The following MACROD2 variants were observed in gnomAD, a reference collection of about 807,000 sequenced individuals.
The protein encoded by MACROD2 is mono-ADP ribosylhydrolase 2.
A neutral mutation model predicts 70.4 loss-of-function variants in MACROD2; 36 were observed. That is an observed-to-expected ratio of 0.51 (90% CI 0.39 to 0.68). MACROD2 has a LOEUF of 0.68. Among genes scored for constraint, MACROD2 ranks in the 30% least tolerant of loss-of-function variants. MACROD2 has a pLI of 0.00. For missense variants in MACROD2, 496 were observed against 538.4 expected, an observed-to-expected ratio of 0.92 and a Z score of 0.78; for synonymous variants, 172 against 178.8, an observed-to-expected ratio of 0.96 and a Z score of 0.30.
At chr20:15,207,142 C>T (rs1362942181) in intron 5 of MACROD2, among the ~76,000 whole-genome samples, 1 of 152,070 alleles carries the variant, frequency 6.6e-6, no homozygotes, top group Non-Finnish European at 1.5e-5. Flanking sequence ...CATATTTTTG[C>T]TTTTTCTGCT....
At position 15,471,885 on chromosome 20, in the gene MACROD2, CTAAA is replaced by C. The variant is rs200635878; in HGVS notation, c.572-27886_572-27883del. 3.3e-5 allele frequency among the ~76,000 whole-genome samples: 5 copies of C among 152,238 alleles called. No individual in the cohort carries two copies. The East Asian group carries it at 9.7e-4, about 29-fold the overall frequency. ...ATCACTTTTCATTCCCCCTTCCAAA[CTAAA>C]TATTTTTCTTTCACAGCAAACAAAT... On this transcript the variant is annotated intron_variant, in intron 7 of 17. Coordinates refer to ENST00000684519, the MANE Select transcript of MACROD2 (RefSeq NM_001351661.2).
At chr20:14,648,453 A>C (rs1985509806) in intron 4 of MACROD2, among the ~76,000 whole-genome samples, 2 of 152,190 alleles carry the variant, frequency 1.3e-5, no homozygotes, top group Admixed American at 6.6e-5. Flanking sequence ...AAAAGTCAAC[A>C]AAGTAAACCA....
At chr20:14,622,629 G>A (rs1250137043) in intron 4 of MACROD2, among the ~76,000 whole-genome samples, 14 of 152,074 alleles carry the variant, frequency 9.2e-5, no homozygotes, top group Admixed American at 7.2e-4. Context: ...AAAGTACTTA[G>A]GTCTACCCTT....
At chr20:16,040,811 T>A (rs144080296) in intron 15 of MACROD2, among the ~76,000 whole-genome samples, 13 of 152,058 alleles carry the variant, frequency 8.5e-5, no homozygotes, top group East Asian at 7.8e-4. Flanking sequence ...AAGGCAAAAT[T>A]CATTTTCTCT....
intron 8 of MACROD2, among the ~76,000 whole-genome samples, chr20:15,850,368 T>TG (rs1239874991): frequency 6.6e-6 from 1 of 152,178 alleles, no homozygotes; most frequent in African/African-American, 2.4e-5. Flanking sequence ...TCCAGCTCAC[T>TG]AGATATTTGC....
intron 4 of MACROD2, among the ~76,000 whole-genome samples, chr20:14,675,680 A>C (rs1347347429): frequency 6.6e-6 from 1 of 152,232 alleles, no homozygotes; most frequent in African/African-American, 2.4e-5. Context: ...CATCATAATG[A>C]CAGGATCAAA....
intron 3 of MACROD2, among the ~76,000 whole-genome samples, chr20:14,267,018 C>T (rs1334556772): frequency 6.6e-6 from 1 of 152,004 alleles, no homozygotes; most frequent in African/African-American, 2.4e-5. Context: ...TGACTTTGGG[C>T]TAGCTAAAAT....
intron 3 of MACROD2, among the ~76,000 whole-genome samples, chr20:14,443,068 G>A (rs964223063): frequency 7.3e-5 from 11 of 150,572 alleles, no homozygotes; most frequent in African/African-American, 2.7e-4. Flanking sequence ...AACAGAGCGA[G>A]ACTCTGTCTC....
In MACROD2 at chr20:15,519,051, G is replaced by T. The variant is rs1031801693; in HGVS notation, c.645+19204G>T. On this transcript the variant is annotated intron_variant, in intron 8 of 17. Transcript: ENST00000684519. ...ACTATGAAGTAGGAACTGTTAACTC[G>T]CTCTTTCCTTCCTTCCTTCCTTCCT... Among the ~76,000 whole-genome samples, 3 of 145,194 alleles carry T rather than the reference G, an allele frequency of 2.1e-5. No individual in the cohort carries two copies. The East Asian group carries it at 6.5e-4, about 32-fold the overall frequency.
intron 3 of MACROD2, among the ~76,000 whole-genome samples, chr20:14,124,016 A>G (rs1256693340): frequency 6.6e-6 from 1 of 152,072 alleles, no homozygotes; most frequent in East Asian, 1.9e-4. Context: ...GATTTATGGT[A>G]GTATCAGTGG....
chr20:15,217,862 G>C (rs890141098), intron 5 of MACROD2, among the ~76,000 whole-genome samples: 1 of 152,028 alleles, frequency 6.6e-6, no homozygotes, highest in African/African-American at 2.4e-5. Context: ...AGGTCTCTTG[G>C]TTTTCTTCGA....
chr20:15,636,541 T>C (rs969166639), intron 8 of MACROD2, among the ~76,000 whole-genome samples: 4 of 152,164 alleles, frequency 2.6e-5, no homozygotes, highest in African/African-American at 9.7e-5. Flanking sequence ...TGACCTTGTT[T>C]GTATGTATAT....
Position 14,230,881 on chromosome 20 carries a change from T to A in MACROD2, c.271+145153T>A, listed in dbSNP as rs1222477203. On this transcript the variant is annotated intron_variant, in intron 3 of 17. Coordinates refer to ENST00000684519, the MANE Select transcript of MACROD2 (RefSeq NM_001351661.2). ...TGAAATTAGTCCTTGATCCATGGAC[T>A]ACTGAAGGGATGTTGTGTTAGCAGG... Among the ~76,000 whole-genome samples the A allele has an allele frequency of 1.1e-4, 17 of 151,610 alleles. No individual in the cohort carries two copies. The East Asian group carries it at 3.2e-3, about 28-fold the overall frequency.
intron 8 of MACROD2, among the ~76,000 whole-genome samples, chr20:15,600,710 G>A (rs1675436955): frequency 6.6e-6 from 1 of 152,228 alleles, no homozygotes; most frequent in Non-Finnish European, 1.5e-5. Context: ...ACTGCTTGAT[G>A]AGCACTTGAG....
intron 6 of MACROD2, among the ~76,000 whole-genome samples, chr20:15,256,520 A>G (rs961160641): frequency 6.6e-6 from 1 of 152,050 alleles, no homozygotes. Context: ...TAGTCGGCAA[A>G]TAATAAAAAA....
intron 3 of MACROD2, among the ~76,000 whole-genome samples, chr20:14,250,801 G>A (rs1248223742): frequency 6.6e-6 from 1 of 151,846 alleles, no homozygotes; most frequent in African/African-American, 2.4e-5. Context: ...TTTTGCCAAA[G>A]AATTATTTGA....
rs994245324 is a variant in MACROD2 at position 15,411,874 on chromosome 20, C to T, written c.541-19531C>T. Among the ~76,000 whole-genome samples, 8 of 152,266 alleles carry T rather than the reference C, an allele frequency of 5.3e-5. No individual in the cohort carries two copies. In the East Asian group the frequency reaches 7.7e-4, roughly 15 times the overall value. ...GTCCAAAGGCCTGCAGGAGGTCAGG[C>T]GCAGATGGTTTAATCCTTGGTGCTG... On this transcript the variant is annotated intron_variant, in intron 6 of 17. Coordinates refer to ENST00000684519, the MANE Select transcript of MACROD2 (RefSeq NM_001351661.2).
chr20:14,557,339 T>A (rs1204566403), intron 4 of MACROD2, among the ~76,000 whole-genome samples: 1 of 151,828 alleles, frequency 6.6e-6, no homozygotes, highest in Non-Finnish European at 1.5e-5. Context: ...ATACCAAAAG[T>A]ACAAGCACTG....
chr20:16,001,551 G>A (rs1314183981), intron 15 of MACROD2, among the ~76,000 whole-genome samples: 1 of 152,118 alleles, frequency 6.6e-6, no homozygotes, highest in African/African-American at 2.4e-5. Flanking sequence ...AGAAGCACAT[G>A]AGTTCATTTT....
Sources: allele counts gnomAD v4.1 joint callset (sites outside exome capture counted in the v4.1 genomes callset), GRCh38; gene constraint gnomAD v4.1.1; transcripts MANE v1.5; gene names NCBI Gene and HGNC (gene_info 2026-07-23, HGNC 2026-07-21).